Variants in EFR3A observed in about 807,000 individuals in gnomAD.
The protein encoded by EFR3A is protein EFR3 homolog A.
EFR3A carries 76 observed loss-of-function variants against 104.4 expected under a neutral mutation model. The observed-to-expected ratio is 0.73, with a 90% confidence interval of 0.60 to 0.88. The LOEUF (loss-of-function observed/expected upper bound fraction) is 0.88, where lower values mean the gene tolerates loss of function less well. Ranked by LOEUF, EFR3A falls within the 40% of genes least tolerant of loss-of-function variation. The pLI, the probability that EFR3A is intolerant of heterozygous loss-of-function variation, is 0.00. For missense variants in EFR3A, 985 were observed against 1,012.5 expected (o/e 0.97, Z 0.37); for synonymous variants, 330 against 330.0 (o/e 1.00, Z 0.00).
At position 131,953,834 on chromosome 8, in the gene EFR3A, A is replaced by G. The variant is rs763757314; in HGVS notation, c.505A>G (p.Ile169Val). The G allele has an allele frequency of 6.5e-7, 1 of 1,544,688 alleles. No homozygotes were observed. Among genetic ancestry groups the G allele is most frequent in the East Asian group, 2.4e-5 (1 of 41,650 alleles). Residue 169 changes from isoleucine (I) to valine (V), a missense_variant, in exon 6 of 23, where the codon ATT (isoleucine) becomes GTT (valine). Ile to Val is a conservative substitution (Grantham distance 29, BLOSUM62 3). Coordinates refer to ENST00000254624, the MANE Select transcript of EFR3A (RefSeq NM_015137.6). Reference protein sequence around the residue: ...EIRTEIRIAGIRGIQGVVRKT... With the variant: ...EIRTEIRIAGVRGIQGVVRKT... Reference sequence around the variant, plus strand: ...TTTTTATAGGATACGAATTGCTGGAATTAGAGGTATTCAAGGTGTGGTTCG... The same window carrying G: ...TTTTTATAGGATACGAATTGCTGGAGTTAGAGGTATTCAAGGTGTGGTTCG...
intron 2 of EFR3A, among the ~76,000 whole-genome samples, chr8:131,941,042 T>C (rs1477730521): frequency 1.3e-5 from 2 of 152,060 alleles, no homozygotes; most frequent in Admixed American, 6.6e-5. Context: ...CTGGAGAAGA[T>C]AGGAGTGATA....
chr8:131,915,580 C>T (rs571998984), intron 1 of EFR3A, among the ~76,000 whole-genome samples: 3 of 152,102 alleles, frequency 2.0e-5, no homozygotes, highest in African/African-American at 7.2e-5. Flanking sequence ...ATGGCAAGCA[C>T]GATTAGAATG....
chr8:132,000,929 A>C (rs1821755734), intron 19 of EFR3A: 1 of 152,168 alleles, frequency 6.6e-6, no homozygotes, highest in African/African-American at 2.4e-5. Flanking sequence ...TTTTGCTTTC[A>C]TTAGTCTTGC....
rs1423292791 is a variant in EFR3A at position 132,010,799 on chromosome 8, C to T, written c.2370C>T (p.Pro790=). 3.7e-6 allele frequency: 6 copies of T among 1,612,094 alleles called. No individual in the cohort carries two copies. Among genetic ancestry groups the T allele is most frequent in the Non-Finnish European group, 5.1e-6 (6 of 1,178,668 alleles). The change falls in exon 23 of 23, where the codon CCC becomes CCT. Residue 790 remains proline, a synonymous_variant. Transcript: ENST00000254624. ...TTTTGTTCTTTTATAGTCCTCCTCC[C>T]AGTCCATCAGGAACACTGACCATTA... ...QILELTIRPP[P]SPSGTLTITS... is the part of the protein sequence containing the mutation.
intron 2 of EFR3A, among the ~76,000 whole-genome samples, chr8:131,941,603 C>T (rs1383226529): frequency 1.3e-5 from 2 of 152,130 alleles, no homozygotes; most frequent in Admixed American, 1.3e-4. Flanking sequence ...CAGTAACTGA[C>T]ATAAAGCAGA....
chr8:131,915,927 G>A (rs1356485452), intron 1 of EFR3A, among the ~76,000 whole-genome samples: 1 of 152,188 alleles, frequency 6.6e-6, no homozygotes, highest in African/African-American at 2.4e-5. Flanking sequence ...AGGATACGGT[G>A]CTATCCTCAT....
rs1822377167 is a variant in EFR3A, at chr8:132,012,195, G to A, written c.*1300G>A. 6.6e-6 allele frequency: 1 copy of A among 152,146 alleles called. No homozygotes were observed. The highest frequency in any genetic ancestry group is 2.4e-5 in the African/African-American group (1 of 41,428). The allele number at this position is 152,146 out of a possible 1,614,324, so 9.4% of individuals were successfully genotyped here. On this transcript the variant is annotated 3_prime_UTR_variant, in exon 23 of 23. Transcript: ENST00000254624. ...TAAAACAGCATACATATCAAAAACT[G>A]TAGCCTAGAATACAGTTTAATTTTT...
chr8:131,984,283 C>T lies in EFR3A; in HGVS notation c.1720C>T (p.Leu574=). The part of the protein sequence containing the change: ...NEEVVIDLIR[L]AIALQDSAII... ...AGAAGTAGTTATTGATCTCATTCGA[C>T]TGGCCATTGCTTTACAGGTATGCTT... is the stretch of plus-strand genomic sequence containing the variant. The change falls in exon 15 of 23, where the codon CTG becomes TTG. Residue 574 remains leucine (L), a synonymous_variant. Transcript: ENST00000254624. The T allele has an allele frequency of 1.2e-6, 2 of 1,600,090 alleles. No individual in the cohort carries two copies. Among genetic ancestry groups the T allele is most frequent in the Admixed American group, 1.7e-5 (1 of 57,878 alleles).
chr8:131,965,805 C>A (rs548957931), intron 8 of EFR3A, among the ~76,000 whole-genome samples: 2 of 152,046 alleles, frequency 1.3e-5, no homozygotes, highest in East Asian at 3.9e-4. Context: ...AGACTTGGAA[C>A]CAACCCAGAT....
At chr8:131,994,897 T>G (rs892300024) in intron 18 of EFR3A, among the ~76,000 whole-genome samples, 1 of 152,138 alleles carries the variant, frequency 6.6e-6, no homozygotes, top group African/African-American at 2.4e-5. Context: ...CTGGGAACTC[T>G]TTGAGAGAGT....
chr8:131,904,464 T>C (rs937643977), intron 1 of EFR3A, 142 bp downstream of exon 1: 4 of 870,760 alleles, frequency 4.6e-6, no homozygotes, highest in Non-Finnish European at 6.1e-6. Flanking sequence ...GCGGAGTTAG[T>C]TTCGTTTCGG....
intron 22 of EFR3A, among the ~76,000 whole-genome samples, chr8:132,005,931 C>T (rs77882863): frequency 0.27 from 40,602 of 151,716 alleles, 6,233 homozygotes; most frequent in East Asian, 0.49. Context: ...TGTTCTCTTG[C>T]CACAAAAAAA....
intron 5 of EFR3A, among the ~76,000 whole-genome samples, chr8:131,952,940 AT>A (rs1272103120): frequency 6.6e-6 from 1 of 152,192 alleles, no homozygotes; most frequent in East Asian, 1.9e-4. Context: ...ATTGGTGAGT[AT>A]TTTAGATAGC....
chr8:131,945,953 C>A (rs1420656422), intron 3 of EFR3A, among the ~76,000 whole-genome samples: 1 of 151,988 alleles, frequency 6.6e-6, no homozygotes, highest in Non-Finnish European at 1.5e-5. Flanking sequence ...CCCTCGCAAC[C>A]GCACTTACAT....
chr8:132,012,495 G>A lies in EFR3A; in HGVS notation c.*1600G>A. 6.6e-6 allele frequency: 1 copy of A among 152,554 alleles called. No homozygotes were observed. The highest frequency in any genetic ancestry group is 1.9e-4 in the East Asian group (1 of 5,178). The allele number at this position is 152,554 out of a possible 1,614,324, so 9.5% of individuals were successfully genotyped here. A position where few individuals can be genotyped will look rare whatever the true frequency, so the allele number is the denominator to read the frequency against. ...AGTGACAGTGGAGTCGTTACCGCTG[G>A]AGGACTAAAGGGCCCTGTGGCAGCT... On this transcript the variant is annotated 3_prime_UTR_variant, in exon 23 of 23. Coordinates refer to ENST00000254624, the MANE Select transcript of EFR3A (RefSeq NM_015137.6).
Position 131,904,320 on chromosome 8 carries a change from C to A in EFR3A, c.8C>A (p.Thr3Asn). 8.0e-7 allele frequency: 1 copy of A among 1,257,458 alleles called. No individual in the cohort carries two copies. Among genetic ancestry groups the A allele is most frequent in the Non-Finnish European group, 1.0e-6 (1 of 1,000,276 alleles). The allele number at this position is 1,257,458 out of a possible 1,614,324, so 77.9% of individuals were successfully genotyped here. The part of the protein sequence containing the change: MP[T>N]RVCCCCSALR... ...AGCGCGGTCGAGATCGCCATGCCTA[C>A]CCGTGAGTGGCCGGCCGAGGGCCGG... Residue 3 changes from threonine (T) to asparagine (N), a missense_variant and splice_region_variant, in exon 1 of 23, where the codon ACC becomes AAC. Coordinates refer to ENST00000254624, the MANE Select transcript of EFR3A (RefSeq NM_015137.6).
intron 15 of EFR3A, among the ~76,000 whole-genome samples, chr8:131,984,644 T>C (rs1160296592): frequency 3.3e-5 from 5 of 152,064 alleles, no homozygotes; most frequent in Non-Finnish European, 7.4e-5. Flanking sequence ...TGTTATGTAA[T>C]AGAAGGACAG....
chr8:131,916,223 C>T (rs1816739060), intron 1 of EFR3A, among the ~76,000 whole-genome samples: 1 of 152,130 alleles, frequency 6.6e-6, no homozygotes, highest in Non-Finnish European at 1.5e-5. Flanking sequence ...GGAGGAAAAG[C>T]AGTTAGAGGT....
chr8:132,001,196 A>T (rs1821765263), intron 19 of EFR3A, among the ~76,000 whole-genome samples: 1 of 152,208 alleles, frequency 6.6e-6, no homozygotes, highest in South Asian at 2.1e-4. Flanking sequence ...AGTTTCAGAG[A>T]TTATAAATTG....
Sources: allele counts gnomAD v4.1 joint callset (sites outside exome capture counted in the v4.1 genomes callset), GRCh38; gene constraint gnomAD v4.1.1; transcripts MANE v1.5; gene names NCBI Gene and HGNC (gene_info 2026-07-23, HGNC 2026-07-21).